The following RARB variants were observed in gnomAD, a reference collection of about 807,000 sequenced individuals.
RARB encodes retinoic acid receptor beta, also known as HBV-activated protein.
In RARB, 17 loss-of-function variants were observed where a neutral mutation model predicts 51.9. The ratio of observed to expected loss-of-function variants is 0.33; its 90% CI spans 0.22 to 0.49. The LOEUF (loss-of-function observed/expected upper bound fraction) is 0.49, where lower values mean the gene tolerates loss of function less well. Ranked by LOEUF, RARB falls within the 20% of genes least tolerant of loss-of-function variation. The pLI, the probability that RARB is intolerant of heterozygous loss-of-function variation, is 0.99. For missense variants in RARB, 369 were observed against 550.8 expected (o/e 0.67, Z 3.30); for synonymous variants, 215 against 195.4 (o/e 1.10, Z -0.84).
At chr3:24,933,037 G>C (rs1575078396) in intron 2 of RARB, among the ~76,000 whole-genome samples, 1 of 152,092 alleles carries the variant, frequency 6.6e-6, no homozygotes. Context: ...CCAGATTTGT[G>C]ACATTTCAAT....
At chr3:25,252,235 T>C (rs1702742483) in intron 5 of RARB, among the ~76,000 whole-genome samples, 1 of 152,192 alleles carries the variant, frequency 6.6e-6, no homozygotes, top group African/African-American at 2.4e-5. Context: ...CTTAGCCCAC[T>C]GTCTTGATTA....
chr3:25,110,264 G>C (rs1222043105), intron 3 of RARB, among the ~76,000 whole-genome samples: 1 of 152,166 alleles, frequency 6.6e-6, no homozygotes, highest in African/African-American at 2.4e-5. Context: ...TGCTTTTGCT[G>C]TTTCCAATAA....
At chr3:24,841,264 T>C (rs1417570359) in intron 1 of RARB, among the ~76,000 whole-genome samples, 1 of 152,212 alleles carries the variant, frequency 6.6e-6, no homozygotes, top group Admixed American at 6.5e-5. Flanking sequence ...TTTCAAAACC[T>C]AACTAGGAGA....
chr3:25,551,417 G>C (rs1699848260), intron 3 of RARB, among the ~76,000 whole-genome samples: 1 of 152,192 alleles, frequency 6.6e-6, no homozygotes, highest in South Asian at 2.1e-4. Flanking sequence ...GACCCTGGTA[G>C]ATATACTGGA....
intron 1 of RARB, among the ~76,000 whole-genome samples, chr3:25,445,043 G>A (rs1050053782): frequency 1.3e-5 from 2 of 151,902 alleles, no homozygotes; most frequent in Admixed American, 6.6e-5. Context: ...TCCGCCTCCC[G>A]GGTTCAAGTG....
intron 4 of RARB, among the ~76,000 whole-genome samples, chr3:25,572,957 G>A (rs12635379): frequency 0.19 from 28,620 of 152,024 alleles, 2,666 homozygotes; most frequent in East Asian, 0.26. Flanking sequence ...TGGAACATGC[G>A]CCCTGGTGTG....
At chr3:25,067,521 T>C (rs1698686253) in intron 3 of RARB, among the ~76,000 whole-genome samples, 1 of 152,364 alleles carries the variant, frequency 6.6e-6, no homozygotes, top group East Asian at 1.9e-4. Context: ...CACATTTTAA[T>C]GTTTCATTAA....
chr3:25,226,672 G>T (rs554616379), intron 5 of RARB, among the ~76,000 whole-genome samples: 3 of 152,268 alleles, frequency 2.0e-5, no homozygotes, highest in Non-Finnish European at 4.4e-5. Context: ...TGAATTGCTG[G>T]TGGGTACTCA....
chr3:25,315,050 G>A (rs770478785), intron 5 of RARB, among the ~76,000 whole-genome samples: 8 of 152,182 alleles, frequency 5.3e-5, no homozygotes, highest in Non-Finnish European at 1.2e-4. Context: ...TCTTTTTAAT[G>A]TCTGTGTAGT....
intron 1 of RARB, among the ~76,000 whole-genome samples, chr3:24,853,342 G>A (rs1702587158): frequency 6.6e-6 from 1 of 151,894 alleles, no homozygotes; most frequent in African/African-American, 2.4e-5. Flanking sequence ...ATAAAATAAT[G>A]AACTGTATCT....
intron 2 of RARB, among the ~76,000 whole-genome samples, chr3:24,970,927 G>A (rs1418896645): frequency 1.3e-5 from 2 of 151,930 alleles, no homozygotes; most frequent in Admixed American, 6.6e-5. Flanking sequence ...TCTCTAATGA[G>A]TCAGCTCATC....
At chr3:25,267,457 C>G (rs1180112816) in intron 5 of RARB, among the ~76,000 whole-genome samples, 1 of 152,148 alleles carries the variant, frequency 6.6e-6, no homozygotes, top group Non-Finnish European at 1.5e-5. Flanking sequence ...GTCCTGAAGT[C>G]TCTATTTTTT....
At chr3:25,531,324 C>G (rs1046551206) in intron 3 of RARB, among the ~76,000 whole-genome samples, 2 of 152,002 alleles carry the variant, frequency 1.3e-5, no homozygotes, top group African/African-American at 4.8e-5. Flanking sequence ...GGGCAGGACA[C>G]TCTGAGAAAG....
intron 2 of RARB, among the ~76,000 whole-genome samples, chr3:24,938,571 C>T (rs1272253740): frequency 6.6e-6 from 1 of 152,174 alleles, no homozygotes; most frequent in African/African-American, 2.4e-5. Context: ...GTGAAATATA[C>T]ACAACATAAA....
chr3:25,051,935 T>C (rs2125300035), intron 2 of RARB, among the ~76,000 whole-genome samples: 1 of 152,292 alleles, frequency 6.6e-6, no homozygotes, highest in Middle Eastern at 3.4e-3. Flanking sequence ...TCCTACCAAT[T>C]TCTCTAACCC....
intron 3 of RARB, among the ~76,000 whole-genome samples, chr3:25,563,658 A>T (rs1700363178): frequency 6.6e-6 from 1 of 152,230 alleles, no homozygotes; most frequent in South Asian, 2.1e-4. Context: ...GCTCGTTTAC[A>T]TGATGAGATT....
At chr3:25,528,129 A>C (rs887295563) in intron 3 of RARB, among the ~76,000 whole-genome samples, 3 of 152,208 alleles carry the variant, frequency 2.0e-5, no homozygotes, top group African/African-American at 4.8e-5. Context: ...TTGAGGAAGG[A>C]AGACAGACAG....
chr3:25,193,453 G>A (rs1006327306), intron 5 of RARB, among the ~76,000 whole-genome samples: 2 of 152,020 alleles, frequency 1.3e-5, no homozygotes, highest in African/African-American at 4.8e-5. Flanking sequence ...TCAATTATCT[G>A]AGTAAGATAC....
At chr3:24,973,303 CT>C (rs1356647489) in intron 2 of RARB, among the ~76,000 whole-genome samples, 1 of 151,904 alleles carries the variant, frequency 6.6e-6, no homozygotes, top group Non-Finnish European at 1.5e-5. Context: ...AGATTTATAT[CT>C]GGATTCTCTA....
Sources: allele counts gnomAD v4.1 joint callset (sites outside exome capture counted in the v4.1 genomes callset), GRCh38; gene constraint gnomAD v4.1.1; transcripts MANE v1.5; gene names NCBI Gene and HGNC (gene_info 2026-07-23, HGNC 2026-07-21).